Variants in TBXAS1 observed in about 807,000 individuals in gnomAD.
TBXAS1 encodes thromboxane-A synthase.
TBXAS1 carries 48 observed loss-of-function variants against 60.7 expected under a neutral mutation model. That is an observed-to-expected ratio of 0.79 (90% CI 0.63 to 1.01). The LOEUF (loss-of-function observed/expected upper bound fraction) is 1.01. Among genes scored for constraint, TBXAS1 ranks in the 50% least tolerant of loss-of-function variants. TBXAS1 has a pLI of 0.00. For synonymous variants in TBXAS1, 287 were observed against 269.7 expected (o/e 1.06, Z -0.63); for missense variants, 685 against 686.3 (o/e 1.00, Z 0.02).
At chr7:139,900,146 A>G (rs1323686944) in intron 3 of TBXAS1, among the ~76,000 whole-genome samples, 1 of 152,240 alleles carries the variant, frequency 6.6e-6, no homozygotes, top group Non-Finnish European at 1.5e-5. Context: ...TTTCACTAGT[A>G]TGAGAAGTTT....
At chr7:139,802,859 A>G (rs912152041) in intron 4 of TBXAS1, among the ~76,000 whole-genome samples, 1 of 152,246 alleles carries the variant, frequency 6.6e-6, no homozygotes, top group Non-Finnish European at 1.5e-5. Flanking sequence ...TCCCCTGCAC[A>G]TGCTCTCTTG....
intron 9 of TBXAS1, among the ~76,000 whole-genome samples, chr7:139,968,975 TTC>T (rs1810998184): frequency 6.6e-6 from 1 of 152,226 alleles, no homozygotes; most frequent in African/African-American, 2.4e-5. Context: ...AAAAACCAAC[TTC>T]TTTTCATATA....
chr7:139,962,463 C>A, intron 9 of TBXAS1: 1 of 492,170 alleles, frequency 2.0e-6, no homozygotes, highest in South Asian at 2.0e-5. Context: ...CCTTCACTGT[C>A]TGGGGTAGTC....
chr7:139,993,510 C>A (rs762961032), intron 9 of TBXAS1, among the ~76,000 whole-genome samples: 3 of 152,234 alleles, frequency 2.0e-5, no homozygotes, highest in Non-Finnish European at 4.4e-5. Context: ...GCTGACCCTG[C>A]GGCCCTGCTG....
At position 139,890,100 on chromosome 7, in the gene TBXAS1, T is replaced by G. The variant is rs866676443; in HGVS notation, c.236+14463T>G. On this transcript the variant is annotated intron_variant, in intron 3 of 12. Transcript: ENST00000448866. ...TCCACTGACAGTAATAATTGTTACA[T>G]GGGGAATAGCAAAAGGAACACAGGT... Among the ~76,000 whole-genome samples, 15 of 151,740 alleles carry G rather than the reference T, an allele frequency of 9.9e-5. 1 individual carries two copies. Among genetic ancestry groups the G allele is most frequent in the Admixed American group, 9.2e-4 (14 of 15,238 alleles).
At chr7:139,839,609 T>C (rs1799288944) in intron 1 of TBXAS1, among the ~76,000 whole-genome samples, 2 of 138,788 alleles carry the variant, frequency 1.4e-5, no homozygotes, top group Non-Finnish European at 3.1e-5. Flanking sequence ...GAGGGCAAAG[T>C]GGGAGGATCA....
chr7:139,869,767 G>T (rs1378122871), intron 1 of TBXAS1, among the ~76,000 whole-genome samples: 1 of 152,126 alleles, frequency 6.6e-6, no homozygotes, highest in African/African-American at 2.4e-5. Context: ...ACTTCTGGAG[G>T]TTAGGACTTC....
At position 139,984,946 on chromosome 7, in the gene TBXAS1, A is replaced by AAAAGAAAAG. The variant is rs1554503477; in HGVS notation, c.1135-22138_1135-22137insAGAAAGAAA. On this transcript the variant is annotated intron_variant, in intron 9 of 12. Transcript: ENST00000448866. Reference sequence around the variant, plus strand: ...AAGGAAAGAAAGAAAGAAAGAAAAGAAAAGAAAGAAAGAAAGAAAAGATCA... The same window carrying AAAAGAAAAG: ...AAGGAAAGAAAGAAAGAAAGAAAAGAAAAGAAAAGAAAGAAAGAAAGAAAGAAAAGATCA... Among the ~76,000 whole-genome samples the AAAAGAAAAG allele has an allele frequency of 7.3e-4, 104 of 141,898 alleles. 1 individual carries two copies. The highest frequency in any genetic ancestry group is 2.3e-3 in the African/African-American group (89 of 38,136). 93.1% of individuals were successfully genotyped at this position (141,898 alleles called of 152,430 possible).
At chr7:139,939,278 C>T (rs1446974760) in intron 5 of TBXAS1, among the ~76,000 whole-genome samples, 5 of 145,106 alleles carry the variant, frequency 3.4e-5, no homozygotes, top group Non-Finnish European at 7.5e-5. Context: ...GCAGGAGAAT[C>T]GCTTGAATCC....
chr7:139,876,573 G>A (rs561382767), intron 3 of TBXAS1, among the ~76,000 whole-genome samples: 1 of 152,088 alleles, frequency 6.6e-6, no homozygotes, highest in Non-Finnish European at 1.5e-5. Context: ...TATCTCCATA[G>A]TATTCATGAT....
At chr7:139,986,755 A>ATATATATT (rs1316978387) in intron 9 of TBXAS1, among the ~76,000 whole-genome samples, 1 of 79,744 alleles carries the variant, frequency 1.3e-5, no homozygotes, top group Non-Finnish European at 2.3e-5. Context: ...ATATATATAT[A>ATATATATT]TGTGTGTGTG....
chr7:139,961,693 G>C (rs924511534), intron 8 of TBXAS1, among the ~76,000 whole-genome samples: 1 of 152,198 alleles, frequency 6.6e-6, no homozygotes, highest in Non-Finnish European at 1.5e-5. Flanking sequence ...CAGCAGCCCA[G>C]GCTGCTCTTC....
At chr7:139,903,314 A>G (rs1374090096) in intron 3 of TBXAS1, among the ~76,000 whole-genome samples, 3 of 152,088 alleles carry the variant, frequency 2.0e-5, no homozygotes, top group African/African-American at 4.8e-5. Context: ...CACCATACAT[A>G]TATACCACAG....
chr7:139,783,757 A>G (rs1214442940), intron 3 of TBXAS1, among the ~76,000 whole-genome samples: 2 of 152,192 alleles, frequency 1.3e-5, no homozygotes, highest in South Asian at 2.1e-4. Context: ...TCCCACTGAC[A>G]TGAAAGAGCT....
intron 9 of TBXAS1, among the ~76,000 whole-genome samples, chr7:139,966,424 G>C (rs1258272234): frequency 6.6e-6 from 1 of 152,216 alleles, no homozygotes; most frequent in Non-Finnish European, 1.5e-5. Context: ...GGGCAGAGCT[G>C]CCTTCAGGTA....
chr7:139,995,119 G>T (rs903222735), intron 9 of TBXAS1, among the ~76,000 whole-genome samples: 2 of 152,120 alleles, frequency 1.3e-5, no homozygotes, highest in African/African-American at 4.8e-5. Flanking sequence ...AACACATCTC[G>T]TATTCTATAG....
chr7:139,970,387 G>C (rs555654745), intron 9 of TBXAS1, among the ~76,000 whole-genome samples: 1 of 152,172 alleles, frequency 6.6e-6, no homozygotes, highest in Non-Finnish European at 1.5e-5. Flanking sequence ...GATTACAGGC[G>C]TGAGCCACCG....
chr7:139,815,250 A>G (rs1269221637), intron 4 of TBXAS1, among the ~76,000 whole-genome samples: 1 of 152,202 alleles, frequency 6.6e-6, no homozygotes, highest in Non-Finnish European at 1.5e-5. Context: ...AGAGAGCGAG[A>G]CAGACAGACA....
chr7:139,905,053 TTCTTTCTCTC>T (rs1569511469), intron 3 of TBXAS1, among the ~76,000 whole-genome samples: 2 of 93,220 alleles, frequency 2.1e-5, no homozygotes, highest in Non-Finnish European at 4.1e-5. Flanking sequence ...CTTTCTTTCT[TTCTTTCTCTC>T]TCTCTCTCTC....
Sources: gnomAD v4.1 joint callset for allele counts (sites outside exome capture counted in the v4.1 genomes callset) on GRCh38, gnomAD v4.1.1 for gene constraint, MANE v1.5 for transcripts, NCBI Gene and HGNC (gene_info 2026-07-23, HGNC 2026-07-21) for gene names.